The following COL7A1 variants were observed in gnomAD, a reference collection of about 807,000 sequenced individuals.
COL7A1 encodes collagen alpha-1(VII) chain.
A neutral mutation model predicts 456.2 loss-of-function variants in COL7A1; 296 were observed. The ratio of observed to expected loss-of-function variants is 0.65; its 90% CI spans 0.59 to 0.71. COL7A1 has a LOEUF of 0.71. COL7A1 is among the 30% of genes least tolerant of loss of function. COL7A1 has a pLI of 0.00. For missense variants in COL7A1, 3,441 were observed against 4,017.2 expected (o/e 0.86, Z 3.88); for synonymous variants, 1,464 against 1,525.9 (o/e 0.96, Z 0.95).
chr3:48,588,584 G>T lies in COL7A1; in HGVS notation c.2587+58C>A, dbSNP rs919818160. On this transcript the variant is annotated intron_variant, in intron 20 of 118. Transcript: ENST00000681320. This position sits in a 1 kb window ranked among gnomAD's most constrained non-coding sequence, Gnocchi z 4.6. ...TTTCTCCAATCCAGAGCACAAGCCC[G>T]GATCCCCAAACCATCCACACCACCC... The T allele has an allele frequency of 1.9e-6, 3 of 1,613,008 alleles. No homozygotes were observed. Among genetic ancestry groups the T allele is most frequent in the Non-Finnish European group, 2.5e-6 (3 of 1,179,722 alleles).
Position 48,574,976 on chromosome 3 carries a change from G to C in COL7A1, c.6279+88C>G. On this transcript the variant is annotated intron_variant, in intron 76 of 118. Transcript: ENST00000681320. This position sits in a 1 kb window ranked among gnomAD's most constrained non-coding sequence, Gnocchi z 5.0. ...ATAGGGTCAGAAATTCCAGGGTTAT[G>C]GCACACACTACCATATTTCTGGGGA... 6.4e-7 allele frequency: 1 copy of C among 1,567,486 alleles called. No individual in the cohort carries two copies. Among genetic ancestry groups the C allele is most frequent in the Non-Finnish European group, 8.8e-7 (1 of 1,139,940 alleles).
Position 48,590,788 on chromosome 3 carries a change from C to T in COL7A1, c.1665G>A (p.Gly555=). The T allele has an allele frequency of 6.2e-7, 1 of 1,613,826 alleles. No homozygotes were observed. Among genetic ancestry groups the T allele is most frequent in the Non-Finnish European group, 8.5e-7 (1 of 1,180,018 alleles). The part of the protein sequence containing the change: ...QGVERTLVLP[G]SQTAFDLDDV... ...CATCCAAGTCGAATGCTGTCTGACT[C>T]CCAGGAAGCACCAGGGTCCGCTCAA... The change falls in exon 14 of 119, where the codon GGG becomes GGA. Residue 555 remains glycine, a synonymous_variant. Coordinates refer to ENST00000681320, the MANE Select transcript of COL7A1 (RefSeq NM_000094.4). The surrounding 1 kb of genome is among the most constrained non-coding windows in gnomAD (Gnocchi z 4.6).
rs377056570 is a variant in COL7A1 at position 48,584,285 on chromosome 3, A to C, written c.4197+13T>G. On this transcript the variant is annotated intron_variant, in intron 37 of 118. Coordinates refer to ENST00000681320, the MANE Select transcript of COL7A1 (RefSeq NM_000094.4). ...CAGGTCTCTGCATCACATGGCACTCATGAGGCTGTCACCTTCATGGCTGTT... is the reference window on the plus strand; with the variant it reads ...CAGGTCTCTGCATCACATGGCACTCCTGAGGCTGTCACCTTCATGGCTGTT... The C allele has an allele frequency of 1.7e-5, 28 of 1,601,220 alleles. No homozygotes were observed. The highest frequency in any genetic ancestry group is 3.5e-5 in the Admixed American group (2 of 57,672).
chr3:48,580,184 G>A lies in COL7A1; in HGVS notation c.5097+116C>T. ...CCCAATGCCAGCCCCCAGCAGGCAT[G>A]GGTGGCCATCCATGCTTCCCACCTG... On this transcript the variant is annotated intron_variant, in intron 56 of 118. Coordinates refer to ENST00000681320, the MANE Select transcript of COL7A1 (RefSeq NM_000094.4). This position sits in a 1 kb window ranked among gnomAD's most constrained non-coding sequence, Gnocchi z 4.5. The A allele has an allele frequency of 6.6e-7, 1 of 1,525,896 alleles. No individual in the cohort carries two copies. Among genetic ancestry groups the A allele is most frequent in the Non-Finnish European group, 9.0e-7 (1 of 1,112,940 alleles). The allele number at this position is 1,525,896 out of a possible 1,614,324, so 94.5% of individuals were successfully genotyped here. A position where few individuals can be genotyped will look rare whatever the true frequency, so the allele number is the denominator to read the frequency against.
Position 48,592,245 on chromosome 3 carries a change from C to G in COL7A1, c.1097G>C (p.Gly366Ala). The change falls in exon 10 of 119, where the codon GGG (glycine) becomes GCG (alanine). Residue 366 changes from glycine to alanine, a missense_variant. Physicochemically the swap from Gly to Ala is moderately conservative, Grantham distance 60. This residue lies in a region of COL7A1 where 913 missense variants were observed against 1,088.2 expected (regional missense o/e 0.84). Transcript: ENST00000681320. This position sits in a 1 kb window ranked among gnomAD's most constrained non-coding sequence, Gnocchi z 7.6. ...YRVTWRVLSG[G>A]PTQQQELGPG... ...GCCCAGCTCCTGCTGCTGTGTGGGCCCACCTGCATGGGGGACACCAAGGGG... is the reference window on the plus strand; with the variant it reads ...GCCCAGCTCCTGCTGCTGTGTGGGCGCACCTGCATGGGGGACACCAAGGGG... 1.9e-6 allele frequency: 3 copies of G among 1,613,756 alleles called. No homozygotes were observed. The highest frequency in any genetic ancestry group is 2.5e-6 in the Non-Finnish European group (3 of 1,179,956).
Position 48,565,979 on chromosome 3 carries a change from G to A in COL7A1, c.8407+288C>T, listed in dbSNP as rs547564961. Among the ~76,000 whole-genome samples the A allele has an allele frequency of 3.3e-4, 50 of 152,198 alleles. No individual in the cohort carries two copies. Among genetic ancestry groups the A allele is most frequent in the Middle Eastern group, 3.4e-3 (1 of 294 alleles). On this transcript the variant is annotated intron_variant, in intron 114 of 118. Coordinates refer to ENST00000681320, the MANE Select transcript of COL7A1 (RefSeq NM_000094.4). This position sits in a 1 kb window ranked among gnomAD's most constrained non-coding sequence, Gnocchi z 4.5. Reference sequence around the variant, plus strand: ...GCTTCACTCTGATGCCCCTCCCACCGGGTCCAGGTCAGGCCCAAGGGGACC... The same window carrying A: ...GCTTCACTCTGATGCCCCTCCCACCAGGTCCAGGTCAGGCCCAAGGGGACC...
rs1266444108 is a variant in COL7A1, at chr3:48,585,808, C to T, written c.3786+22G>A. On this transcript the variant is annotated intron_variant, in intron 30 of 118. Coordinates refer to ENST00000681320, the MANE Select transcript of COL7A1 (RefSeq NM_000094.4). The surrounding 1 kb of genome is among the most constrained non-coding windows in gnomAD (Gnocchi z 4.5). ...ACTGACACTCAACCCATTCTCTATT[C>T]CCCGCCCGCAGGGGCACTCACCATC... 2 of 1,614,076 alleles carry T rather than the reference C, an allele frequency of 1.2e-6. No homozygotes were observed. The highest frequency in any genetic ancestry group is 2.2e-5 in the East Asian group (1 of 44,874).
Position 48,585,678 on chromosome 3 carries a change from G to T in COL7A1, c.3831+12C>A. 1 of 1,614,004 alleles carries T rather than the reference G, an allele frequency of 6.2e-7. No individual in the cohort carries two copies. Among genetic ancestry groups the T allele is most frequent in the Non-Finnish European group, 8.5e-7 (1 of 1,179,982 alleles). On this transcript the variant is annotated intron_variant, in intron 31 of 118. Transcript: ENST00000681320. This position sits in a 1 kb window ranked among gnomAD's most constrained non-coding sequence, Gnocchi z 4.5. ...CAGTCAGGGTGCAGGGACAGATGTG[G>T]GGGACACTCACCGGGAGGCCAGGGT...
chr3:48,577,723 AGT>A lies in COL7A1; in HGVS notation c.5532+596_5532+597del, dbSNP rs1459854939. On this transcript the variant is annotated intron_variant, in intron 65 of 118. Coordinates refer to ENST00000681320, the MANE Select transcript of COL7A1 (RefSeq NM_000094.4). ...AGTGCCCCAAATGTGGCTACACACC[AGT>A]GTGTTTGTGCCTGTCGACCTGTCTG... Among the ~76,000 whole-genome samples the A allele has an allele frequency of 6.6e-5, 10 of 152,270 alleles. No individual in the cohort carries two copies. In the East Asian group the frequency reaches 1.5e-3, roughly 24 times the overall value.
rs747313983 is a variant in COL7A1, at chr3:48,573,735, C to T, written c.6538-10G>A. On this transcript the variant is annotated splice_polypyrimidine_tract_variant and intron_variant, in intron 81 of 118. Coordinates refer to ENST00000681320, the MANE Select transcript of COL7A1 (RefSeq NM_000094.4). The surrounding 1 kb of genome is among the most constrained non-coding windows in gnomAD (Gnocchi z 5.5). ...GGTCTCCATGACCACCCTGTTGTGGCGAAAAAGAGTCTGATGAGGGGGAGT... is the reference window on the plus strand; with the variant it reads ...GGTCTCCATGACCACCCTGTTGTGGTGAAAAAGAGTCTGATGAGGGGGAGT... 3.4e-5 allele frequency: 55 copies of T among 1,613,276 alleles called. 1 individual carries two copies. The South Asian group carries it at 4.1e-4, about 12-fold the overall frequency.
rs1361069491 is a variant in COL7A1 at position 48,574,225 on chromosome 3, C to T, written c.6501+37G>A. 1 of 1,613,260 alleles carries T rather than the reference C, an allele frequency of 6.2e-7. No homozygotes were observed. The highest frequency in any genetic ancestry group is 2.2e-5 in the East Asian group (1 of 44,872). On this transcript the variant is annotated intron_variant, in intron 80 of 118. Transcript: ENST00000681320. This position sits in a 1 kb window ranked among gnomAD's most constrained non-coding sequence, Gnocchi z 5.0. ...GCAGCAGCAGCACCTAGCGGAGGGT[C>T]CGGAGCCTGGGGCCAGGTGCTTCAG...
At position 48,581,486 on chromosome 3, in the gene COL7A1, G is replaced by T; in HGVS notation, c.4783-3C>A. On this transcript the variant is annotated splice_region_variant and splice_polypyrimidine_tract_variant and intron_variant, in intron 50 of 118. Transcript: ENST00000681320. The surrounding 1 kb of genome is among the most constrained non-coding windows in gnomAD (Gnocchi z 5.8). ...CTGCCAGTAAGGCCAATGGGACCCT[G>T]AAGGGGACAGAAGGGGGGCAGGACT... is the stretch of plus-strand genomic sequence containing the variant. The T allele has an allele frequency of 6.2e-7, 1 of 1,614,116 alleles. No individual in the cohort carries two copies. The highest frequency in any genetic ancestry group is 8.5e-7 in the Non-Finnish European group (1 of 1,180,010).
In COL7A1 at chr3:48,573,073, C is replaced by G. The variant is rs990028371; in HGVS notation, c.6715-17G>C. On this transcript the variant is annotated splice_polypyrimidine_tract_variant and intron_variant, in intron 85 of 118. Transcript: ENST00000681320. This position sits in a 1 kb window ranked among gnomAD's most constrained non-coding sequence, Gnocchi z 5.5. ...CTGTGGACCCTGACGGAGAACAAGT[C>G]GGATGTCAGGGTGACAATGGACACA... The G allele has an allele frequency of 1.2e-6, 2 of 1,614,074 alleles. No individual in the cohort carries two copies. Among genetic ancestry groups the G allele is most frequent in the Non-Finnish European group, 1.7e-6 (2 of 1,180,010 alleles).
chr3:48,571,947 C>G lies in COL7A1; in HGVS notation c.7068+54G>C. ...CCCGGCCCAAGAGTGGCCCCTTATG[C>G]CCGCCATCACACTCCTCAGGCCAGG... On this transcript the variant is annotated intron_variant, in intron 92 of 118. Coordinates refer to ENST00000681320, the MANE Select transcript of COL7A1 (RefSeq NM_000094.4). The surrounding 1 kb of genome is among the most constrained non-coding windows in gnomAD (Gnocchi z 4.6). 1 of 1,600,944 alleles carries G rather than the reference C, an allele frequency of 6.2e-7. No homozygotes were observed. Among genetic ancestry groups the G allele is most frequent in the Non-Finnish European group, 8.5e-7 (1 of 1,173,574 alleles).
rs867360244 is a variant in COL7A1, at chr3:48,569,445, C to T, written c.7616G>A (p.Gly2539Asp). 6.2e-7 allele frequency: 1 copy of T among 1,614,156 alleles called. No individual in the cohort carries two copies. Among genetic ancestry groups the T allele is most frequent in the Non-Finnish European group, 8.5e-7 (1 of 1,180,016 alleles). Residue 2539 changes from glycine (G) to aspartate (D), a missense_variant and splice_region_variant, in exon 103 of 119, where the codon GGT becomes GAT. Around this residue, in one of 3 missense-constraint regions of COL7A1, gnomAD observed 2,084 missense variants for 2,501.3 expected, o/e 0.83. Transcript: ENST00000681320. The surrounding 1 kb of genome is among the most constrained non-coding windows in gnomAD (Gnocchi z 4.9). ...ATCCAAGCCCCGAGGCCCTCGTTCA[C>T]CCTGGGTTGGTTTGGGTAAGAAGTC... ...PGPRGAKGDM[G>D]ERGPRGLDGD...
In COL7A1 at chr3:48,581,451, G is replaced by C. The variant is rs2044752113; in HGVS notation, c.4815C>G (p.Pro1605=). 6.2e-7 allele frequency: 1 copy of C among 1,613,924 alleles called. No homozygotes were observed. Among genetic ancestry groups the C allele is most frequent in the Admixed American group, 1.7e-5 (1 of 60,006 alleles). ...GPIGLTGRAG[P]PGDSGPPGEK... ...GCCCAGGGTAACGGGTACTCACTGG[G>C]GGTCCTGCTCTGCCAGTAAGGCCAA... The change falls in exon 51 of 119, where the codon CCC becomes CCG. Residue 1605 remains proline (P), a synonymous_variant. Transcript: ENST00000681320. The surrounding 1 kb of genome is among the most constrained non-coding windows in gnomAD (Gnocchi z 5.8).
rs565591488 is a variant in COL7A1, at chr3:48,589,792, A to G, written c.2051-74T>C. The G allele has an allele frequency of 6.9e-6, 11 of 1,605,014 alleles. No homozygotes were observed. The South Asian group carries it at 1.2e-4, about 18-fold the overall frequency. ...TGGGGCTATCTGATAGGGGAAGATG[A>G]TGGGAGTCTAACAGGAGACGGGAAT... On this transcript the variant is annotated intron_variant, in intron 16 of 118. Transcript: ENST00000681320.
chr3:48,585,510 A>G lies in COL7A1; in HGVS notation c.3894+47T>C. 6.3e-7 allele frequency: 1 copy of G among 1,588,296 alleles called. No individual in the cohort carries two copies. ...TTCTCTCTTGTAAAAACCCCGAGACAGCTTTGAGGAGTGCCTCAGAGAAAC... is the reference window on the plus strand; with the variant it reads ...TTCTCTCTTGTAAAAACCCCGAGACGGCTTTGAGGAGTGCCTCAGAGAAAC... On this transcript the variant is annotated intron_variant, in intron 32 of 118. Coordinates refer to ENST00000681320, the MANE Select transcript of COL7A1 (RefSeq NM_000094.4). The surrounding 1 kb of genome is among the most constrained non-coding windows in gnomAD (Gnocchi z 4.5).
At chr3:48,584,453 A>G (rs1258386143) in intron 36 of COL7A1, 32 bp downstream of exon 36, 1 of 1,613,370 alleles carries the variant, frequency 6.2e-7, no homozygotes, top group Admixed American at 1.7e-5. Flanking sequence ...CCCCCACTAC[A>G]CATCACTTGC....
Sources: allele counts gnomAD v4.1 joint callset (sites outside exome capture counted in the v4.1 genomes callset), GRCh38; gene constraint gnomAD v4.1.1; regional missense constraint gnomAD v4.1.1; non-coding constraint Gnocchi (gnomAD v3.1); transcripts MANE v1.5; gene names NCBI Gene and HGNC (gene_info 2026-07-23, HGNC 2026-07-21).